The following NDUFA10 variants were observed in gnomAD, a reference collection of about 807,000 sequenced individuals.
The protein encoded by NDUFA10 is NADH dehydrogenase [ubiquinone] 1 alpha subcomplex subunit 10, mitochondrial.
NDUFA10 carries 40 observed loss-of-function variants against 47.8 expected under a neutral mutation model. The observed-to-expected ratio is 0.84, with a 90% CI of 0.65 to 1.09. NDUFA10 has a LOEUF of 1.09. Among genes scored for constraint, NDUFA10 ranks in the 50% least tolerant of loss-of-function variants. NDUFA10 has a pLI of 0.00. For missense variants in NDUFA10, 413 were observed against 451.1 expected (o/e 0.92, Z 0.76); for synonymous variants, 183 against 172.2 (o/e 1.06, Z -0.49).
At chr2:239,980,747 T>A (rs145728318) in intron 9 of NDUFA10, among the ~76,000 whole-genome samples, 251 of 151,166 alleles carry the variant, frequency 1.7e-3, no homozygotes, top group African/African-American at 5.8e-3. Context: ...GAAGGAAGAG[T>A]GAGTGGAAAA....
chr2:240,003,422 C>T (rs1004391562), intron 8 of NDUFA10, among the ~76,000 whole-genome samples: 8 of 152,168 alleles, frequency 5.3e-5, no homozygotes, highest in Non-Finnish European at 8.8e-5. Flanking sequence ...TGCCTCCAGG[C>T]CCTCGAGAGG....
In NDUFA10 at chr2:239,960,661, A is replaced by G. The variant is rs1296695213; in HGVS notation, c.*457T>C. On this transcript the variant is annotated 3_prime_UTR_variant, in exon 10 of 10. Coordinates refer to ENST00000252711, the MANE Select transcript of NDUFA10 (RefSeq NM_004544.4). The stretch of plus-strand genomic sequence containing the variant: ...AGCCTCAATTAAACCACACCACACC[A>G]AACAGGGCCCAGAGCAGCGTGTGTG... 4.6e-6 allele frequency: 5 copies of G among 1,087,024 alleles called. No homozygotes were observed. The highest frequency in any genetic ancestry group is 4.5e-6 in the Non-Finnish European group (4 of 888,882). The allele number at this position is 1,087,024 out of a possible 1,614,324, so 67.3% of individuals were successfully genotyped here.
In NDUFA10 at chr2:239,910,682, A is replaced by G. The variant is rs376214506; in HGVS notation, c.295-15368T>C. Among the ~76,000 whole-genome samples, 19 of 152,140 alleles carry G rather than the reference A, an allele frequency of 1.2e-4. No homozygotes were observed. In the East Asian group the frequency reaches 2.9e-3, roughly 23 times the overall value. On this transcript the variant is annotated intron_variant, in intron 4 of 5. Transcript: ENST00000419408. Reference sequence around the variant, plus strand: ...TGACACACGTTTACCTGTGCAACAAACCCACACGCCCCGCACCTGTACCCC... The same window carrying G: ...TGACACACGTTTACCTGTGCAACAAGCCCACACGCCCCGCACCTGTACCCC...
At position 240,022,713 on chromosome 2, in the gene NDUFA10, G is replaced by T. The variant is rs115592712; in HGVS notation, c.76-373C>A. ...AAGACAGGGATGGAGGGAAGCTCAG[G>T]AGTGAAGGGAAGGGAATAAAAAACA... On this transcript the variant is annotated intron_variant, in intron 1 of 9. Transcript: ENST00000252711. Among the ~76,000 whole-genome samples the T allele has an allele frequency of 4.1e-3, 618 of 152,158 alleles. 4 individuals are homozygous for T. The highest frequency in any genetic ancestry group is 0.014 in the African/African-American group (587 of 41,500).
chr2:240,009,198 C>A (rs1226447163), intron 6 of NDUFA10, among the ~76,000 whole-genome samples: 1 of 152,214 alleles, frequency 6.6e-6, no homozygotes, highest in Non-Finnish European at 1.5e-5. Context: ...ACAAAACTCG[C>A]TACATGTCAG....
chr2:240,002,330 C>CA (rs61475593), intron 8 of NDUFA10, among the ~76,000 whole-genome samples: 1,343 of 83,638 alleles, frequency 0.016, 76 homozygotes, highest in South Asian at 0.03. Flanking sequence ...AACTCTGACT[C>CA]AAAAAAAAAA....
chr2:239,937,307 TATGATTTTAGAAC>T (rs1694281139), intron 4 of NDUFA10, among the ~76,000 whole-genome samples: 1 of 152,240 alleles, frequency 6.6e-6, no homozygotes, highest in Admixed American at 6.5e-5. Flanking sequence ...ACTACTGCGG[TATGATTTTAGAAC>T]ATTTCCATCA....
chr2:240,011,550 G>C (rs927036886), intron 6 of NDUFA10, 67 bp downstream of exon 6: 33 of 1,270,450 alleles, frequency 2.6e-5, no homozygotes, highest in African/African-American at 4.4e-5. Context: ...TCCCTGGGCT[G>C]TTGGGGCCTA....
At chr2:240,007,454 C>A in intron 6 of NDUFA10, 84 bp from the exon 7 acceptor site, 1 of 959,286 alleles carries the variant, frequency 1.0e-6, no homozygotes, top group East Asian at 2.5e-5. Flanking sequence ...CCGCTAAAGT[C>A]TCCTGCTCAA....
chr2:239,958,294 T>C lies in NDUFA10; in HGVS notation c.*2824A>G, dbSNP rs1243881880. 1.3e-5 allele frequency: 2 copies of C among 152,240 alleles called. No homozygotes were observed. The highest frequency in any genetic ancestry group is 6.5e-5 in the Admixed American group (1 of 15,286). The allele number at this position is 152,240 out of a possible 1,614,324, so 9.4% of individuals were successfully genotyped here. A position where few individuals can be genotyped will look rare whatever the true frequency, so the allele number is the denominator to read the frequency against. ...AGAAAGTAGCCGCCTGCTTGCTTCT[T>C]TGCATTGACATTTGCACTGCTAAGA... is the stretch of plus-strand genomic sequence containing the variant. On this transcript the variant is annotated 3_prime_UTR_variant, in exon 10 of 10. Transcript: ENST00000252711.
chr2:239,918,801 C>G (rs752378251), intron 4 of NDUFA10, among the ~76,000 whole-genome samples: 1 of 152,074 alleles, frequency 6.6e-6, no homozygotes, highest in Non-Finnish European at 1.5e-5. Context: ...CGTGTCCTCG[C>G]TCTCCACGCT....
intron 9 of NDUFA10, among the ~76,000 whole-genome samples, chr2:239,968,037 C>A (rs1346833926): frequency 6.6e-6 from 1 of 150,498 alleles, no homozygotes; most frequent in Non-Finnish European, 1.5e-5. Context: ...GAGGAAACTC[C>A]TTCTACTGGT....
intron 6 of NDUFA10, among the ~76,000 whole-genome samples, chr2:240,008,638 T>G (rs548922028): frequency 1.3e-5 from 2 of 152,332 alleles, no homozygotes; most frequent in African/African-American, 4.8e-5. Context: ...GGTCACAAAC[T>G]ATTTGACATA....
At chr2:239,930,353 A>G (rs902302858) in intron 4 of NDUFA10, among the ~76,000 whole-genome samples, 3 of 151,846 alleles carry the variant, frequency 2.0e-5, no homozygotes, top group Non-Finnish European at 4.4e-5. Context: ...ATCCCCTGCA[A>G]ATTTCCTCCT....
intron 4 of NDUFA10, among the ~76,000 whole-genome samples, chr2:239,915,969 TAC>T (rs753871678): frequency 2.3e-5 from 1 of 44,096 alleles, no homozygotes; most frequent in Non-Finnish European, 3.8e-5. Context: ...TACATGGACA[TAC>T]ACACACACAC....
Position 240,014,804 on chromosome 2 carries a change from G to C in NDUFA10, c.604C>G (p.His202Asp), listed in dbSNP as rs763870558. Reference protein sequence around the residue: ...SVTICDYLPPHLVIYIDVPVP... With the variant: ...SVTICDYLPPDLVIYIDVPVP... ...GGCACATCGATGTAAATCACCAGGTGGGGGGGCAGGTAATCGCAGATGGTG... is the reference window on the plus strand; with the variant it reads ...GGCACATCGATGTAAATCACCAGGTCGGGGGGCAGGTAATCGCAGATGGTG... Residue 202 changes from histidine to aspartate, a missense_variant, in exon 5 of 10, where the codon CAC becomes GAC. By Grantham distance (81) the His-to-Asp change is moderately conservative. Transcript: ENST00000252711. The C allele has an allele frequency of 3.1e-6, 5 of 1,614,028 alleles. No homozygotes were observed. In the East Asian group the frequency reaches 6.7e-5, roughly 22 times the overall value.
At chr2:239,919,861 CG>C (rs1693938898) in intron 4 of NDUFA10, among the ~76,000 whole-genome samples, 1 of 152,224 alleles carries the variant, frequency 6.6e-6, no homozygotes. Flanking sequence ...ACGGCCCCTA[CG>C]GAAGGAGGGG....
rs1447939942 is a variant in NDUFA10, at chr2:239,981,965, C to T, written c.999+8109G>A. 10 of 959,458 alleles carry T rather than the reference C, an allele frequency of 1.0e-5. No individual in the cohort carries two copies. In the East Asian group the frequency reaches 2.7e-4, roughly 26 times the overall value. 59.4% of individuals were successfully genotyped at this position (959,458 alleles called of 1,614,324 possible). On this transcript the variant is annotated intron_variant, in intron 9 of 9. Coordinates refer to ENST00000252711, the MANE Select transcript of NDUFA10 (RefSeq NM_004544.4). ...AGCAGGGTAATGGGCTTCTAAGAAC[C>T]ACTGCCATGAAAAGGCATCCATGGC...
At chr2:240,002,080 A>T (rs1696742542) in intron 8 of NDUFA10, among the ~76,000 whole-genome samples, 1 of 152,208 alleles carries the variant, frequency 6.6e-6, no homozygotes, top group Non-Finnish European at 1.5e-5. Context: ...CTGTAATCCC[A>T]GCACTTCTGG....
Sources: allele counts gnomAD v4.1 joint callset (sites outside exome capture counted in the v4.1 genomes callset), GRCh38; gene constraint gnomAD v4.1.1; transcripts MANE v1.5; gene names NCBI Gene and HGNC (gene_info 2026-07-23, HGNC 2026-07-21).